ACER3: variants seen among roughly 807,000 people sequenced by gnomAD.
ACER3 encodes alkCDase 3.
In ACER3, 16 loss-of-function variants were observed where a neutral mutation model predicts 48.9. The ratio of observed to expected loss-of-function variants is 0.33; its 90% CI spans 0.22 to 0.50. The LOEUF is 0.50. Ranked by LOEUF, ACER3 falls within the 20% of genes least tolerant of loss-of-function variation. ACER3 has a pLI of 0.98. For synonymous variants in ACER3, 109 were observed against 107.8 expected, an observed-to-expected ratio of 1.01 and a Z score of -0.07; for missense variants, 227 against 326.0, an observed-to-expected ratio of 0.70 and a Z score of 2.34.
rs574544047 is a variant in ACER3 at position 77,009,905 on chromosome 11, C to T, written c.498-5111C>T. On this transcript the variant is annotated intron_variant, in intron 7 of 10. Transcript: ENST00000532485. ...GAGCCTTAGGTTTGAAGCCACAAAA[C>T]AGAAGGCAAAGTTCTTGGTATGTTT... Among the ~76,000 whole-genome samples, 19 of 152,174 alleles carry T rather than the reference C, an allele frequency of 1.2e-4. No individual in the cohort carries two copies. The South Asian group carries it at 3.5e-3, about 28-fold the overall frequency.
intron 2 of ACER3, among the ~76,000 whole-genome samples, chr11:76,947,973 T>TC (rs1947519595): frequency 6.6e-6 from 1 of 152,114 alleles, no homozygotes; most frequent in Admixed American, 6.6e-5. Flanking sequence ...GATGGCCAGG[T>TC]ACGTAGCTTG....
At chr11:76,980,112 TG>T (rs2135171717) in intron 4 of ACER3, among the ~76,000 whole-genome samples, 2 of 152,052 alleles carry the variant, frequency 1.3e-5, no homozygotes, top group Non-Finnish European at 2.9e-5. Flanking sequence ...CACTTCAGCC[TG>T]GGAAACAGAG....
chr11:76,930,480 A>G (rs144036098), intron 2 of ACER3, among the ~76,000 whole-genome samples: 4,164 of 114,948 alleles, frequency 0.036, 236 homozygotes, highest in Admixed American at 0.17. Context: ...TTCTGCTCTG[A>G]TCTTAGTTAT....
intron 7 of ACER3, among the ~76,000 whole-genome samples, chr11:77,002,722 C>T (rs115954511): frequency 1.2e-3 from 175 of 152,124 alleles, no homozygotes; most frequent in African/African-American, 4.1e-3. Flanking sequence ...ACCATCTGGG[C>T]CTGGAAATCT....
At chr11:76,881,928 T>C (rs1945535825) in intron 1 of ACER3, among the ~76,000 whole-genome samples, 1 of 151,986 alleles carries the variant, frequency 6.6e-6, no homozygotes, top group African/African-American at 2.4e-5. Context: ...TCTTCTATCC[T>C]TTGGCTCCAA....
intron 7 of ACER3, among the ~76,000 whole-genome samples, chr11:77,006,335 G>A (rs1447626938): frequency 6.6e-6 from 1 of 151,968 alleles, no homozygotes; most frequent in Non-Finnish European, 1.5e-5. Context: ...ATCAGACAGT[G>A]TTATGATTTT....
intron 2 of ACER3, among the ~76,000 whole-genome samples, chr11:76,942,547 G>A (rs1484907969): frequency 6.6e-6 from 1 of 152,032 alleles, no homozygotes; most frequent in Admixed American, 6.6e-5. Flanking sequence ...CTTGATCATG[G>A]TGTATTATGT....
At chr11:76,895,500 G>A (rs1190158600) in intron 1 of ACER3, among the ~76,000 whole-genome samples, 1 of 152,166 alleles carries the variant, frequency 6.6e-6, no homozygotes, top group African/African-American at 2.4e-5. Flanking sequence ...AGATATAATA[G>A]GGCTGAGGAA....
At chr11:76,963,843 G>T (rs1434430554) in intron 3 of ACER3, among the ~76,000 whole-genome samples, 1 of 151,424 alleles carries the variant, frequency 6.6e-6, no homozygotes, top group Non-Finnish European at 1.5e-5. Context: ...AAGTAGCCAA[G>T]ATGGCCAAAT....
At chr11:76,964,929 C>T (rs1406019660) in intron 3 of ACER3, among the ~76,000 whole-genome samples, 1 of 151,306 alleles carries the variant, frequency 6.6e-6, no homozygotes, top group African/African-American at 2.5e-5. Context: ...GAATGCAGCT[C>T]CTCACCAGCA....
Position 76,944,037 on chromosome 11 carries a change from A to G in ACER3, c.215-14942A>G, listed in dbSNP as rs560911375. Among the ~76,000 whole-genome samples, 5 of 151,098 alleles carry G rather than the reference A, an allele frequency of 3.3e-5. No homozygotes were observed. In the East Asian group the frequency reaches 5.8e-4, roughly 18 times the overall value. On this transcript the variant is annotated intron_variant, in intron 2 of 10. Transcript: ENST00000532485. ...TTTTCTACCCCTTTACTGTCAGTCTATATGTGTCTTTATAGGTAAGGTGAG... is the reference window on the plus strand; with the variant it reads ...TTTTCTACCCCTTTACTGTCAGTCTGTATGTGTCTTTATAGGTAAGGTGAG...
chr11:77,022,868 C>CAAAAAAAAAAAAAAAAAAAAAAAAA lies in ACER3; in HGVS notation c.*2565_*2566insAAAAAAAAAAAAAAAAAAAAAAAAA, dbSNP rs10565723. On this transcript the variant is annotated 3_prime_UTR_variant, in exon 11 of 11. Coordinates refer to ENST00000532485, the MANE Select transcript of ACER3 (RefSeq NM_018367.7). ...ATGGTGGCAGAGCGAGACTCCGTCT[C>CAAAAAAAAAAAAAAAAAAAAAAAAA]AAAAAAAAAAAAAAAAAAAAAAAAG... 3.6e-6 allele frequency: 1 copy of CAAAAAAAAAAAAAAAAAAAAAAAAA among 276,176 alleles called. No homozygotes were observed. Among genetic ancestry groups the CAAAAAAAAAAAAAAAAAAAAAAAAA allele is most frequent in the African/African-American group, 2.4e-5 (1 of 41,414 alleles). The allele number at this position is 276,176 out of a possible 1,614,324, so 17.1% of individuals were successfully genotyped here.
intron 9 of ACER3, chr11:77,019,487 C>G: frequency 2.0e-6 from 1 of 491,904 alleles, no homozygotes; most frequent in South Asian, 2.8e-5. Context: ...TAAATATACT[C>G]TGCTTGTGCT....
At chr11:76,900,235 A>T (rs1272687620) in intron 1 of ACER3, among the ~76,000 whole-genome samples, 1 of 152,192 alleles carries the variant, frequency 6.6e-6, no homozygotes, top group Non-Finnish European at 1.5e-5. Flanking sequence ...GAACGTCTTC[A>T]TCCTCATCAT....
At position 77,022,595 on chromosome 11, in the gene ACER3, A is replaced by G. The variant is rs1272202421; in HGVS notation, c.*2268A>G. 1 of 152,186 alleles carries G rather than the reference A, an allele frequency of 6.6e-6. No homozygotes were observed. The highest frequency in any genetic ancestry group is 1.5e-5 in the Non-Finnish European group (1 of 68,060). 9.4% of individuals were successfully genotyped at this position (152,186 alleles called of 1,614,324 possible). A position where few individuals can be genotyped will look rare whatever the true frequency, so the allele number is the denominator to read the frequency against. On this transcript the variant is annotated 3_prime_UTR_variant, in exon 11 of 11. Transcript: ENST00000532485. ...CACTGGTGACCTATAGGATATTACT[A>G]AATTATTTCAATAGCTTTATTTTTT...
chr11:76,913,403 T>C (rs1946435076), intron 1 of ACER3, among the ~76,000 whole-genome samples: 1 of 152,206 alleles, frequency 6.6e-6, no homozygotes, highest in South Asian at 2.1e-4. Flanking sequence ...CTTCCAACAC[T>C]ATGTTGAATC....
intron 2 of ACER3, among the ~76,000 whole-genome samples, chr11:76,943,119 C>A (rs1224784284): frequency 1.3e-5 from 2 of 151,938 alleles, no homozygotes; most frequent in Non-Finnish European, 2.9e-5. Context: ...AAAGAACCAA[C>A]TTTTCATTTT....
chr11:76,873,569 C>T (rs1945297067), intron 1 of ACER3, among the ~76,000 whole-genome samples: 1 of 152,136 alleles, frequency 6.6e-6, no homozygotes, highest in Admixed American at 6.5e-5. Flanking sequence ...CTCTTAGTAC[C>T]TTTCCCAAGC....
intron 2 of ACER3, among the ~76,000 whole-genome samples, chr11:76,929,257 CTGTT>C (rs1183317431): frequency 3.9e-5 from 6 of 152,122 alleles, no homozygotes; most frequent in Non-Finnish European, 7.4e-5. Context: ...ATTTGGCTCT[CTGTT>C]TGTCTGTTAT....
Sources: gnomAD v4.1 joint callset for allele counts (sites outside exome capture counted in the v4.1 genomes callset) on GRCh38, gnomAD v4.1.1 for gene constraint, MANE v1.5 for transcripts, NCBI Gene and HGNC (gene_info 2026-07-23, HGNC 2026-07-21) for gene names.